ARHGAP8: variants seen among roughly 807,000 people sequenced by gnomAD.
ARHGAP8 encodes the protein rho GTPase-activating protein 8.
ARHGAP8 carries 62 observed loss-of-function variants against 46.1 expected under a neutral mutation model. That is an observed-to-expected ratio of 1.34 (90% CI 1.10 to 1.66). ARHGAP8 has a LOEUF of 1.66. Ranked by LOEUF, ARHGAP8 falls within the 40% of genes most tolerant of loss-of-function variation. The pLI is 0.00. For synonymous variants in ARHGAP8, 375 were observed against 243.1 expected, an observed-to-expected ratio of 1.54 and a Z score of -5.05; for missense variants, 923 against 568.4, an observed-to-expected ratio of 1.62 and a Z score of -6.34.
In ARHGAP8 at chr22:44,859,760, T is replaced by G. The variant is rs766112568; in HGVS notation, c.907T>G (p.Cys303Gly). 1.2e-5 allele frequency: 19 copies of G among 1,613,874 alleles called. No homozygotes were observed. The African/African-American group carries it at 2.0e-4, about 17-fold the overall frequency. ...CVESSLRVTG[C>G]RQILRSLPEH... is the part of the protein sequence containing the mutation. ...GGAGAGCAGCCTGCGTGTCACTGGC[T>G]GCCGCCAGATCTTACGGAGCCTCCC... Residue 303 changes from cysteine (C) to glycine (G), a missense_variant, in exon 11 of 12, where the codon TGC (cysteine) becomes GGC (glycine). By Grantham distance (159) the Cys-to-Gly change is radical. Coordinates refer to ENST00000356099, the MANE Select transcript of ARHGAP8 (RefSeq NM_181335.3).
intron 2 of ARHGAP8, among the ~76,000 whole-genome samples, chr22:44,794,678 C>A (rs1019339806): frequency 2.0e-5 from 3 of 151,930 alleles, no homozygotes; most frequent in African/African-American, 7.3e-5. Context: ...CCACTGCACT[C>A]CAGCCTGGGT....
chr22:44,761,166 G>A (rs1925102474), intron 1 of ARHGAP8, among the ~76,000 whole-genome samples: 1 of 152,130 alleles, frequency 6.6e-6, no homozygotes, highest in South Asian at 2.1e-4. Flanking sequence ...ATCTGCTAAG[G>A]GAGGCCCATG....
At chr22:44,861,017 A>T (rs557631217) in intron 11 of ARHGAP8, among the ~76,000 whole-genome samples, 29 of 152,120 alleles carry the variant, frequency 1.9e-4, no homozygotes, top group East Asian at 1.2e-3. Flanking sequence ...TCTCAAAAAA[A>T]TTTTTTGAGA....
In ARHGAP8 at chr22:44,808,400, G is replaced by A; in HGVS notation, c.261G>A (p.Leu87=). ...TGAACAGCCGGAACAAGCCTTCCCT[G>A]GGCTGGCTCCAGAGCGCATACAAGG... ...YGLNSRNKPS[L]GWLQSAYKEF... Residue 87 remains leucine (L), a synonymous_variant, in exon 4 of 12, where the codon CTG becomes CTA. Coordinates refer to ENST00000356099, the MANE Select transcript of ARHGAP8 (RefSeq NM_181335.3). 1 of 1,614,220 alleles carries A rather than the reference G, an allele frequency of 6.2e-7. No homozygotes were observed. The highest frequency in any genetic ancestry group is 1.3e-5 in the African/African-American group (1 of 75,060).
intron 2 of ARHGAP8, among the ~76,000 whole-genome samples, chr22:44,791,962 A>T (rs1927719921): frequency 6.6e-6 from 1 of 151,970 alleles, no homozygotes; most frequent in African/African-American, 2.4e-5. Context: ...AGAGAAAATT[A>T]TTACAGCAAA....
chr22:44,835,801 G>T (rs739121), intron 7 of ARHGAP8, among the ~76,000 whole-genome samples: 34,101 of 152,036 alleles, frequency 0.22, 4,870 homozygotes, highest in East Asian at 0.74. Flanking sequence ...GAGCCAAGGT[G>T]TTAACTGAGC....
intron 5 of ARHGAP8, among the ~76,000 whole-genome samples, chr22:44,821,227 C>G (rs1042257148): frequency 1.6e-4 from 24 of 152,130 alleles, no homozygotes; most frequent in Admixed American, 1.4e-3. Flanking sequence ...GTCAGGAGAT[C>G]GAGACCATCC....
Position 44,763,864 on chromosome 22 carries a change from G to T in ARHGAP8, c.-72+11237G>T, listed in dbSNP as rs1602142448. Among the ~76,000 whole-genome samples, 4 of 148,052 alleles carry T rather than the reference G, an allele frequency of 2.7e-5. No homozygotes were observed. In the East Asian group the frequency reaches 7.9e-4, roughly 29 times the overall value. ...GTACAAACTCAGGTATGGCTGGAGTGCAGTGGCACAATCTCGGCTTACTGC... is the reference window on the plus strand; with the variant it reads ...GTACAAACTCAGGTATGGCTGGAGTTCAGTGGCACAATCTCGGCTTACTGC... On this transcript the variant is annotated intron_variant, in intron 1 of 11. Transcript: ENST00000356099.
chr22:44,826,531 TCTC>T (rs1483970218), intron 7 of ARHGAP8, among the ~76,000 whole-genome samples: 1 of 152,106 alleles, frequency 6.6e-6, no homozygotes, highest in African/African-American at 2.4e-5. Flanking sequence ...TTCAAGCTAT[TCTC>T]CTGCCTTAGC....
chr22:44,854,240 T>TC (rs2070167487), intron 10 of ARHGAP8, among the ~76,000 whole-genome samples: 1 of 149,160 alleles, frequency 6.7e-6, no homozygotes, highest in East Asian at 2.0e-4. Context: ...CTTGTATCTT[T>TC]TTTTTTTTTT....
Position 44,814,763 on chromosome 22 carries a change from G to T in ARHGAP8, c.386+5G>T. On this transcript the variant is annotated splice_donor_5th_base_variant and intron_variant, in intron 5 of 11. Coordinates refer to ENST00000356099, the MANE Select transcript of ARHGAP8 (RefSeq NM_181335.3). ...CATCTTGAAGCCCCTCATCAGGTAT[G>T]CGTCACTCTGGGAGAGGACCTCGCT... 1 of 1,613,870 alleles carries T rather than the reference G, an allele frequency of 6.2e-7. No homozygotes were observed.
chr22:44,828,284 C>T (rs560198997), intron 7 of ARHGAP8, among the ~76,000 whole-genome samples: 9 of 152,262 alleles, frequency 5.9e-5, no homozygotes, highest in South Asian at 4.1e-4. Flanking sequence ...TTTGCGGGTG[C>T]GAACAACTCT....
chr22:44,797,039 C>G (rs905127698), intron 2 of ARHGAP8, among the ~76,000 whole-genome samples: 2 of 152,130 alleles, frequency 1.3e-5, no homozygotes, highest in Non-Finnish European at 2.9e-5. Context: ...CCCCGGATCC[C>G]TTTCCCCTGG....
intron 2 of ARHGAP8, among the ~76,000 whole-genome samples, chr22:44,787,029 C>CAAAAAAAAAAAA (rs34957650): frequency 1.4e-4 from 13 of 94,796 alleles, no homozygotes; most frequent in African/African-American, 4.0e-4. Flanking sequence ...GACCCTGTCT[C>CAAAAAAAAAAAA]AAAAAAACAA....
At chr22:44,798,811 G>C (rs1651901966) in intron 2 of ARHGAP8, among the ~76,000 whole-genome samples, 1 of 152,084 alleles carries the variant, frequency 6.6e-6, no homozygotes, top group Admixed American at 6.5e-5. Flanking sequence ...CCTTCACCAG[G>C]CTGGAGTGCA....
At chr22:44,798,861 G>A (rs1928285477) in intron 2 of ARHGAP8, among the ~76,000 whole-genome samples, 1 of 152,134 alleles carries the variant, frequency 6.6e-6, no homozygotes, top group African/African-American at 2.4e-5. Flanking sequence ...CGCTTCCCGG[G>A]TTCAAGCAAT....
At chr22:44,827,336 G>GCTTTTTTTTT (rs1223857467) in intron 7 of ARHGAP8, among the ~76,000 whole-genome samples, 1 of 67,258 alleles carries the variant, frequency 1.5e-5, no homozygotes, top group African/African-American at 5.9e-5. Flanking sequence ...TTGGGTGGTG[G>GCTTTTTTTTT]TTTTTTTTTT....
At position 44,790,676 on chromosome 22, in the gene ARHGAP8, C is replaced by CGAA. The variant is rs1555911528; in HGVS notation, c.79+4070_79+4071insGAA. Among the ~76,000 whole-genome samples the CGAA allele has an allele frequency of 8.1e-5, 4 of 49,612 alleles. No homozygotes were observed. In the East Asian group the frequency reaches 3.1e-3, roughly 39 times the overall value. The allele number at this position is 49,612 out of a possible 152,430, so 32.5% of individuals were successfully genotyped here. A position where few individuals can be genotyped will look rare whatever the true frequency, so the allele number is the denominator to read the frequency against. ...GGACAACAAGAGCAAAACTCTGTCT[C>CGAA]AAAAAAAAAAAAAAAAAAAAAAAGA... On this transcript the variant is annotated intron_variant, in intron 2 of 11. Transcript: ENST00000356099.
intron 7 of ARHGAP8, among the ~76,000 whole-genome samples, chr22:44,834,417 T>C (rs1365603392): frequency 6.6e-6 from 1 of 152,146 alleles, no homozygotes; most frequent in Non-Finnish European, 1.5e-5. Context: ...TTGTTAAATT[T>C]TCACATATCT....
Sources: gnomAD v4.1 joint callset for allele counts (sites outside exome capture counted in the v4.1 genomes callset) on GRCh38, gnomAD v4.1.1 for gene constraint, MANE v1.5 for transcripts, NCBI Gene and HGNC (gene_info 2026-07-23, HGNC 2026-07-21) for gene names.